The following ROBO2 variants were observed in gnomAD, a reference collection of about 807,000 sequenced individuals.
ROBO2 encodes roundabout homolog 2.
In ROBO2, 53 loss-of-function variants were observed where a neutral mutation model predicts 160.8. That is an observed-to-expected ratio of 0.33 (90% CI 0.26 to 0.41). The LOEUF (loss-of-function observed/expected upper bound fraction) is 0.41. ROBO2 is among the 10% of genes least tolerant of loss of function. ROBO2 has a pLI of 1.00. For synonymous variants in ROBO2, 664 were observed against 611.7 expected, an observed-to-expected ratio of 1.09 and a Z score of -1.26; for missense variants, 1,577 against 1,722.4, an observed-to-expected ratio of 0.92 and a Z score of 1.49.
At chr3:76,721,532 AT>A (rs10710044) in intron 2 of ROBO2, among the ~76,000 whole-genome samples, 3,441 of 152,220 alleles carry the variant, frequency 0.023, 110 homozygotes, top group African/African-American at 0.071. Context: ...TTATTTACTC[AT>A]TTATTTCATC....
chr3:76,562,447 C>CTA (rs2084245036), intron 2 of ROBO2, among the ~76,000 whole-genome samples: 1 of 151,428 alleles, frequency 6.6e-6, no homozygotes, highest in African/African-American at 2.4e-5. Context: ...TGATCTCTCT[C>CTA]TCTCTCTCTC....
chr3:76,391,306 G>C (rs2077138610), intron 2 of ROBO2, among the ~76,000 whole-genome samples: 1 of 152,114 alleles, frequency 6.6e-6, no homozygotes, highest in South Asian at 2.1e-4. Context: ...ATGGTTTTGA[G>C]ACTAAGACCG....
intron 11 of ROBO2, chr3:77,564,335 CAG>C (rs1321463155): frequency 5.5e-6 from 2 of 366,228 alleles, no homozygotes; most frequent in Non-Finnish European, 1.1e-5. Context: ...CACACAAATT[CAG>C]AGAGATTTCA....
At position 77,649,591 on chromosome 3, in the gene ROBO2, G is replaced by A. The variant is rs886058894; in HGVS notation, c.*3536G>A. Reference sequence around the variant, plus strand: ...ACATGTCTTTCCACATTATTTTAGAGGTGAAATTACTTTTGTTTTGCTTCT... The same window carrying A: ...ACATGTCTTTCCACATTATTTTAGAAGTGAAATTACTTTTGTTTTGCTTCT... On this transcript the variant is annotated 3_prime_UTR_variant, in exon 26 of 26. Transcript: ENST00000461745. 6.6e-6 allele frequency: 1 copy of A among 152,156 alleles called. No homozygotes were observed. Among genetic ancestry groups the A allele is most frequent in the Non-Finnish European group, 1.5e-5 (1 of 67,990 alleles). 9.4% of individuals were successfully genotyped at this position (152,156 alleles called of 1,614,324 possible).
In ROBO2 at chr3:77,603,407, T is replaced by C. The variant is rs375215958; in HGVS notation, c.3136+916T>C. On this transcript the variant is annotated intron_variant, in intron 20 of 25. Transcript: ENST00000461745. ...TACCAAAAGATGAATTCAACTAAAATGAAAATGATTTTGGAGTAGTTCATA... is the reference window on the plus strand; with the variant it reads ...TACCAAAAGATGAATTCAACTAAAACGAAAATGATTTTGGAGTAGTTCATA... Among the ~76,000 whole-genome samples, 161 of 152,256 alleles carry C rather than the reference T, an allele frequency of 1.1e-3. 1 individual carries two copies. Among genetic ancestry groups the C allele is most frequent in the African/African-American group, 3.8e-3 (157 of 41,562 alleles).
At chr3:77,061,457 A>C (rs1384741574) in intron 1 of ROBO2, among the ~76,000 whole-genome samples, 1 of 152,048 alleles carries the variant, frequency 6.6e-6, no homozygotes, top group Non-Finnish European at 1.5e-5. Flanking sequence ...GAATCTTTTT[A>C]CAAAAAGGGC....
chr3:76,398,377 A>G (rs2077599599), intron 2 of ROBO2, among the ~76,000 whole-genome samples: 1 of 151,904 alleles, frequency 6.6e-6, no homozygotes, highest in Non-Finnish European at 1.5e-5. Flanking sequence ...CTAATGCTAA[A>G]TGACAAGTTA....
chr3:76,201,469 C>A (rs1274433641), intron 2 of ROBO2, among the ~76,000 whole-genome samples: 1 of 152,078 alleles, frequency 6.6e-6, no homozygotes, highest in Non-Finnish European at 1.5e-5. Flanking sequence ...ATTCTCCATA[C>A]AAACTATCCC....
intron 2 of ROBO2, among the ~76,000 whole-genome samples, chr3:76,551,529 G>A (rs1034014394): frequency 8.5e-5 from 13 of 152,078 alleles, no homozygotes; most frequent in Non-Finnish European, 1.8e-4. Flanking sequence ...GCTGAAACAC[G>A]CCCCCCACCC....
chr3:76,310,801 C>T (rs1217978476), intron 2 of ROBO2, among the ~76,000 whole-genome samples: 1 of 152,122 alleles, frequency 6.6e-6, no homozygotes, highest in Non-Finnish European at 1.5e-5. Context: ...CCCAGCACTA[C>T]CCACCCAAGT....
chr3:75,923,956 T>C (rs1357503255), intron 1 of ROBO2, among the ~76,000 whole-genome samples: 2 of 152,206 alleles, frequency 1.3e-5, no homozygotes, highest in Non-Finnish European at 1.5e-5. Flanking sequence ...CTGTGCACAA[T>C]GTGTTAGCAT....
At chr3:76,398,331 G>A (rs562286156) in intron 2 of ROBO2, among the ~76,000 whole-genome samples, 1 of 102,138 alleles carries the variant, frequency 9.8e-6, no homozygotes, top group Admixed American at 8.8e-5. Context: ...GTTGTGGGGT[G>A]GGGGGAGGAG....
intron 2 of ROBO2, among the ~76,000 whole-genome samples, chr3:77,271,680 G>A (rs1187380113): frequency 1.3e-5 from 2 of 152,206 alleles, no homozygotes; most frequent in Non-Finnish European, 2.9e-5. Context: ...TCAAAAGTGA[G>A]AAAATTCAAG....
chr3:76,470,826 G>A (rs889858795), intron 2 of ROBO2, among the ~76,000 whole-genome samples: 1 of 151,934 alleles, frequency 6.6e-6, no homozygotes, highest in African/African-American at 2.4e-5. Flanking sequence ...TACATCAATG[G>A]TATTTCCTAA....
At chr3:77,428,844 CA>C (rs1285552541) in intron 2 of ROBO2, among the ~76,000 whole-genome samples, 1 of 152,020 alleles carries the variant, frequency 6.6e-6, no homozygotes, top group Non-Finnish European at 1.5e-5. Context: ...TCCATGAAAT[CA>C]AAAAGTTTCA....
intron 2 of ROBO2, among the ~76,000 whole-genome samples, chr3:76,009,354 C>T (rs1029285479): frequency 2.6e-5 from 4 of 152,144 alleles, no homozygotes; most frequent in Non-Finnish European, 5.9e-5. Context: ...CCTCGCACCT[C>T]CGCCTCCCAA....
At chr3:76,123,435 T>C (rs558152597) in intron 2 of ROBO2, among the ~76,000 whole-genome samples, 1 of 152,182 alleles carries the variant, frequency 6.6e-6, no homozygotes, top group Non-Finnish European at 1.5e-5. Context: ...GTTTCTTGTA[T>C]GTAAGTTCAA....
At chr3:76,281,713 C>A (rs2107670724) in intron 2 of ROBO2, among the ~76,000 whole-genome samples, 1 of 152,012 alleles carries the variant, frequency 6.6e-6, no homozygotes, top group Non-Finnish European at 1.5e-5. Flanking sequence ...ATATTCTCTG[C>A]AAAATTTTCC....
intron 2 of ROBO2, among the ~76,000 whole-genome samples, chr3:76,570,996 G>A (rs1345045659): frequency 2.0e-5 from 3 of 152,112 alleles, no homozygotes; most frequent in African/African-American, 7.2e-5. Flanking sequence ...CTTATGTAAT[G>A]AAGATTAAAG....
Sources: gnomAD v4.1 joint callset for allele counts (sites outside exome capture counted in the v4.1 genomes callset) on GRCh38, gnomAD v4.1.1 for gene constraint, MANE v1.5 for transcripts, NCBI Gene and HGNC (gene_info 2026-07-23, HGNC 2026-07-21) for gene names.